The following BPIFC variants were observed in gnomAD, a reference collection of about 807,000 sequenced individuals.
BPIFC encodes the protein BPI fold-containing family C protein.
A neutral mutation model predicts 57.6 loss-of-function variants in BPIFC; 60 were observed. The observed-to-expected ratio is 1.04, with a 90% CI of 0.85 to 1.29. The LOEUF is 1.29. BPIFC is among the 50% of genes most tolerant of loss of function. The probability of loss-of-function intolerance (pLI) is 0.00; values close to 1 mark genes in which losing one functional copy is unlikely to be tolerated. For missense variants in BPIFC, 581 were observed against 600.5 expected (o/e 0.97, Z 0.34); for synonymous variants, 243 against 224.5 (o/e 1.08, Z -0.74).
chr22:32,416,051 T>C (rs1163165942), intron 15 of BPIFC, 60 bp from the exon 16 acceptor site: 1 of 1,159,568 alleles, frequency 8.6e-7, no homozygotes, highest in Non-Finnish European at 1.2e-6. Context: ...TTAGCAAGCT[T>C]TTTAGTAAGA....
At chr22:32,432,624 G>T in intron 11 of BPIFC, 81 bp from the exon 12 acceptor site, 1 of 1,364,708 alleles carries the variant, frequency 7.3e-7, no homozygotes, top group Non-Finnish European at 1.0e-6. Flanking sequence ...ATGGCCTGTG[G>T]TGACTAAATC....
intron 4 of BPIFC, among the ~76,000 whole-genome samples, chr22:32,449,886 C>G (rs1934838042): frequency 6.6e-6 from 1 of 151,996 alleles, no homozygotes; most frequent in Admixed American, 6.6e-5. Context: ...AGGCGCCCAC[C>G]ACCATGCCCG....
At chr22:32,455,050 C>CTT (rs1392514246) in intron 3 of BPIFC, among the ~76,000 whole-genome samples, 1,395 of 134,142 alleles carry the variant, frequency 0.01, 69 homozygotes, top group African/African-American at 0.033. Context: ...TTTTCATCTC[C>CTT]ATTTTTTTTT....
chr22:32,446,181 C>T (rs985098399), intron 5 of BPIFC, among the ~76,000 whole-genome samples, 185 bp from the exon 6 acceptor site: 12 of 152,124 alleles, frequency 7.9e-5, no homozygotes, highest in Admixed American at 3.3e-4. Flanking sequence ...CCAGAACAGA[C>T]GAAGTACTGA....
intron 10 of BPIFC, 70 bp from the exon 11 acceptor site, chr22:32,433,842 G>T: frequency 7.6e-7 from 1 of 1,310,936 alleles, no homozygotes. Flanking sequence ...AAAATGTAGT[G>T]TTCCCTATAA....
intron 13 of BPIFC, among the ~76,000 whole-genome samples, chr22:32,427,204 T>C (rs1292193500): frequency 1.3e-5 from 2 of 152,244 alleles, no homozygotes; most frequent in Non-Finnish European, 2.9e-5. Flanking sequence ...AAACAGTTTT[T>C]TCTATTACTC....
intron 13 of BPIFC, among the ~76,000 whole-genome samples, chr22:32,424,966 G>T (rs990728730): frequency 2.6e-5 from 4 of 151,626 alleles, no homozygotes; most frequent in African/African-American, 9.7e-5. Flanking sequence ...ATTATTAGTA[G>T]AGATGGAGTT....
chr22:32,461,429 G>A (rs1002298784), intron 2 of BPIFC, 145 bp downstream of exon 2: 3 of 257,582 alleles, frequency 1.2e-5, no homozygotes, highest in African/African-American at 6.9e-5. Context: ...ATTTGGGTAG[G>A]AGAGGAGGAT....
intron 7 of BPIFC, among the ~76,000 whole-genome samples, chr22:32,443,245 G>A (rs1934618446): frequency 6.7e-6 from 1 of 149,876 alleles, no homozygotes; most frequent in Non-Finnish European, 1.5e-5. Flanking sequence ...CTCACTGCAA[G>A]CTCCGCCTCC....
At chr22:32,455,331 G>A (rs144832684) in intron 3 of BPIFC, among the ~76,000 whole-genome samples, 109 of 152,242 alleles carry the variant, frequency 7.2e-4, no homozygotes, top group Non-Finnish European at 1.4e-3. Context: ...TTACAGGTAT[G>A]AGCCACCACG....
intron 9 of BPIFC, among the ~76,000 whole-genome samples, chr22:32,437,306 G>A (rs1183851612): frequency 6.6e-6 from 1 of 152,182 alleles, no homozygotes; most frequent in Non-Finnish European, 1.5e-5. Flanking sequence ...GCAGTTGCTT[G>A]AAAGAAAATT....
intron 4 of BPIFC, 89 bp downstream of exon 4, chr22:32,453,294 T>C (rs1934943019): frequency 1.1e-5 from 10 of 942,486 alleles, no homozygotes; most frequent in South Asian, 9.8e-5. Flanking sequence ...AAGGCTGGAT[T>C]CTGATGAAAT....
chr22:32,457,433 T>C (rs767354247), intron 2 of BPIFC, 47 bp from the exon 3 acceptor site: 2 of 1,576,170 alleles, frequency 1.3e-6, no homozygotes, highest in Non-Finnish European at 1.7e-6. Context: ...CTTGACTTTC[T>C]CTTTGGTCAA....
At position 32,445,704 on chromosome 22, in the gene BPIFC, GA is replaced by G; in HGVS notation, c.531-7del. 5 of 155,466 alleles carry G rather than the reference GA, an allele frequency of 3.2e-5. No individual in the cohort carries two copies. Among genetic ancestry groups the G allele is most frequent in the Non-Finnish European group, 5.0e-5 (5 of 99,142 alleles). 9.6% of individuals were successfully genotyped at this position (155,466 alleles called of 1,614,324 possible). On this transcript the variant is annotated splice_region_variant and splice_polypyrimidine_tract_variant and intron_variant, in intron 6 of 16. Transcript: ENST00000300399. ...CAAAGGAGTTATACAGAACACTGAG[GA>G]AAAAAATGAAAAAAAAAAAAAAAAA...
intron 13 of BPIFC, among the ~76,000 whole-genome samples, chr22:32,425,244 G>A (rs191477089): frequency 7.8e-4 from 118 of 152,234 alleles, no homozygotes; most frequent in African/African-American, 2.7e-3. Flanking sequence ...TCTACAAACT[G>A]TAAAATGGGG....
intron 13 of BPIFC, among the ~76,000 whole-genome samples, chr22:32,420,327 AAAAAAAAAT>A (rs1194443406): frequency 1.4e-5 from 2 of 141,670 alleles, no homozygotes; most frequent in Non-Finnish European, 1.5e-5. Flanking sequence ...CAAAAAAAAA[AAAAAAAAAT>A]AGTTTTCAGG....
Position 32,435,781 on chromosome 22 carries a change from C to A in BPIFC, c.847G>T (p.Ala283Ser), listed in dbSNP as rs113455565. The A allele has an allele frequency of 2.0e-4, 322 of 1,614,040 alleles. 2 individuals carry two copies. In the African/African-American group the frequency reaches 3.0e-3, roughly 15 times the overall value. ...GACGCAGATTTAAAGAAATACTCGGCGATTCCAATGTAGAGCATGGAGTTG... is the reference window on the plus strand; with the variant it reads ...GACGCAGATTTAAAGAAATACTCGGAGATTCCAATGTAGAGCATGGAGTTG... ...RSNSMLYIGIAEYFFKSASFA... is the reference protein window; with the variant it reads ...RSNSMLYIGISEYFFKSASFA... The change falls in exon 10 of 17, where the codon GCC (alanine) becomes TCC (serine). Residue 283 changes from alanine to serine, a missense_variant. Physicochemically the swap from Ala to Ser is moderately conservative, Grantham distance 99. Coordinates refer to ENST00000300399, the MANE Select transcript of BPIFC (RefSeq NM_174932.3).
In BPIFC at chr22:32,431,400, A is replaced by G. The variant is rs758374191; in HGVS notation, c.1164T>C (p.Ser388=). The G allele has an allele frequency of 6.2e-7, 1 of 1,610,226 alleles. No homozygotes were observed. The highest frequency in any genetic ancestry group is 8.5e-7 in the Non-Finnish European group (1 of 1,176,762). ...TTTGTCCCAAAATAACCAGGCCAACACTGGTACTAGCAACCTATAGACAAT... is the reference window on the plus strand; with the variant it reads ...TTTGTCCCAAAATAACCAGGCCAACGCTGGTACTAGCAACCTATAGACAAT... ...IVSMDFVAST[S]VGLVILGQRL... is the part of the protein sequence containing the mutation. Residue 388 remains serine, a synonymous_variant, in exon 13 of 17, where the codon AGT becomes AGC. Transcript: ENST00000300399.
At chr22:32,455,337 C>T (rs1935010394) in intron 3 of BPIFC, among the ~76,000 whole-genome samples, 1 of 152,122 alleles carries the variant, frequency 6.6e-6, no homozygotes, top group Non-Finnish European at 1.5e-5. Flanking sequence ...GTATGAGCCA[C>T]CACGCCTGGC....
Sources: gnomAD v4.1 joint callset for allele counts (sites outside exome capture counted in the v4.1 genomes callset) on GRCh38, gnomAD v4.1.1 for gene constraint, MANE v1.5 for transcripts, NCBI Gene and HGNC (gene_info 2026-07-23, HGNC 2026-07-21) for gene names.